Variants in EYA2 observed in about 807,000 individuals in gnomAD.
The protein encoded by EYA2 is protein phosphatase EYA2.
EYA2 carries 31 observed loss-of-function variants against 69.2 expected under a neutral mutation model. The observed-to-expected ratio is 0.45, with a 90% CI of 0.34 to 0.60. The LOEUF (loss-of-function observed/expected upper bound fraction) is 0.60, where lower values mean the gene tolerates loss of function less well. Among genes scored for constraint, EYA2 ranks in the 20% least tolerant of loss-of-function variants. The probability of loss-of-function intolerance (pLI) is 0.02; values close to 1 mark genes in which losing one functional copy is unlikely to be tolerated. For missense variants in EYA2, 622 were observed against 701.2 expected, an observed-to-expected ratio of 0.89 and a Z score of 1.28; for synonymous variants, 257 against 279.4, an observed-to-expected ratio of 0.92 and a Z score of 0.80.
chr20:47,000,684 G>A (rs568819074), intron 2 of EYA2, among the ~76,000 whole-genome samples: 91 of 152,190 alleles, frequency 6.0e-4, no homozygotes, highest in African/African-American at 1.9e-3. Context: ...TCACCTTTTC[G>A]TCACCCCCTG....
intron 5 of EYA2, among the ~76,000 whole-genome samples, chr20:47,044,694 C>A (rs1383579807): frequency 1.3e-5 from 2 of 152,152 alleles, no homozygotes; most frequent in Admixed American, 6.5e-5. Context: ...AAGTGCTTAA[C>A]TAACATTCTC....
intron 10 of EYA2, chr20:47,167,119 G>C (rs1036334236): frequency 1.9e-5 from 3 of 154,606 alleles, no homozygotes; most frequent in African/African-American, 7.2e-5. Context: ...TGGCTGCAAA[G>C]TGCCAGAAAC....
intron 5 of EYA2, among the ~76,000 whole-genome samples, chr20:47,026,770 C>T (rs778251627): frequency 1.1e-4 from 17 of 152,290 alleles, no homozygotes; most frequent in Admixed American, 3.9e-4. Flanking sequence ...CCCCCACCAA[C>T]GCTGGGGATA....
intron 9 of EYA2, chr20:47,117,606 T>C (rs2032936646): frequency 1.0e-6 from 1 of 985,290 alleles, no homozygotes; most frequent in South Asian, 4.7e-5. Context: ...GATAGGCGGC[T>C]TGGCCTGTCT....
chr20:47,021,707 G>T (rs1213131880), intron 5 of EYA2, among the ~76,000 whole-genome samples: 2 of 150,490 alleles, frequency 1.3e-5, no homozygotes, highest in African/African-American at 5.0e-5. Context: ...AAGGGCCAGG[G>T]AACATAAAGA....
chr20:46,973,241 A>G lies in EYA2; in HGVS notation c.-10-16760A>G, dbSNP rs1259966219. On this transcript the variant is annotated intron_variant, in intron 1 of 15. Transcript: ENST00000327619. ...ATGAAAAGAGAAATGCATTAACAAC[A>G]CCGTGAACAGGCAGACAGACAAATA... Among the ~76,000 whole-genome samples the G allele has an allele frequency of 2.6e-5, 4 of 152,334 alleles. No homozygotes were observed. In the South Asian group the frequency reaches 8.3e-4, roughly 32 times the overall value.
intron 1 of EYA2, among the ~76,000 whole-genome samples, chr20:46,963,075 C>T: frequency 6.6e-6 from 1 of 152,242 alleles, no homozygotes; most frequent in Middle Eastern, 3.2e-3. Context: ...TCGCACAGTG[C>T]CTCAGCAGGA....
At chr20:46,912,825 C>T (rs1032018591) in intron 1 of EYA2, among the ~76,000 whole-genome samples, 3 of 151,356 alleles carry the variant, frequency 2.0e-5, no homozygotes, top group African/African-American at 4.9e-5. Context: ...CTCAGCCTCC[C>T]GAGTAGCTGG....
intron 5 of EYA2, among the ~76,000 whole-genome samples, chr20:47,063,392 C>CGTGTGT (rs35187186): frequency 0.013 from 1,858 of 143,470 alleles, 44 homozygotes; most frequent in African/African-American, 0.041. Flanking sequence ...TGTGCGTGTG[C>CGTGTGT]GTGTGTGTGT....
At chr20:46,938,779 G>C (rs1213430601) in intron 1 of EYA2, among the ~76,000 whole-genome samples, 1 of 152,064 alleles carries the variant, frequency 6.6e-6, no homozygotes, top group Non-Finnish European at 1.5e-5. Context: ...ACCAACCCAG[G>C]TACTGTGTGG....
chr20:47,007,515 A>G (rs528809281), intron 4 of EYA2, among the ~76,000 whole-genome samples: 1 of 152,312 alleles, frequency 6.6e-6, no homozygotes, highest in East Asian at 1.9e-4. Context: ...GGCCCAGGAA[A>G]GATTTGGGGT....
intron 1 of EYA2, chr20:46,979,644 G>A (rs1455723519): frequency 1.3e-5 from 2 of 152,114 alleles, no homozygotes; most frequent in Non-Finnish European, 2.9e-5. Flanking sequence ...ATTGTGAGGT[G>A]GGGAAGAGTG....
intron 10 of EYA2, among the ~76,000 whole-genome samples, chr20:47,158,920 G>T (rs75947183): frequency 0.015 from 2,207 of 151,630 alleles, 47 homozygotes; most frequent in African/African-American, 0.049. Context: ...AAAAAGGAGA[G>T]CAAAATAAAA....
chr20:47,106,639 G>C (rs776324949), intron 9 of EYA2, among the ~76,000 whole-genome samples: 1 of 152,004 alleles, frequency 6.6e-6, no homozygotes, highest in Non-Finnish European at 1.5e-5. Flanking sequence ...TGGAATCTCA[G>C]TGAGGCTGGC....
chr20:47,046,393 T>A (rs554636123), intron 5 of EYA2, among the ~76,000 whole-genome samples: 1 of 152,294 alleles, frequency 6.6e-6, no homozygotes, highest in East Asian at 1.9e-4. Flanking sequence ...TGTGGGCAGT[T>A]ACCAGCCTCT....
At chr20:47,099,213 C>T (rs1201835471) in intron 9 of EYA2, among the ~76,000 whole-genome samples, 1 of 152,202 alleles carries the variant, frequency 6.6e-6, no homozygotes, top group Non-Finnish European at 1.5e-5. Context: ...GAAGGCTTTT[C>T]CTGGAAATTG....
chr20:46,925,179 A>G (rs1985360795), intron 1 of EYA2, among the ~76,000 whole-genome samples: 1 of 152,136 alleles, frequency 6.6e-6, no homozygotes, highest in Non-Finnish European at 1.5e-5. Flanking sequence ...CTCCAATATG[A>G]CCTCATCTTA....
intron 10 of EYA2, chr20:47,161,021 C>A (rs755402571): frequency 1.6e-5 from 5 of 320,852 alleles, no homozygotes; most frequent in Non-Finnish European, 2.9e-5. Flanking sequence ...TCAAAGGTGG[C>A]CTTGGCGAAG....
rs566835130 is a variant in EYA2, at chr20:47,070,444, T to C, written c.416-1741T>C. 5.3e-5 allele frequency among the ~76,000 whole-genome samples: 8 copies of C among 152,360 alleles called. No individual in the cohort carries two copies. The South Asian group carries it at 1.7e-3, about 32-fold the overall frequency. On this transcript the variant is annotated intron_variant, in intron 5 of 15. Coordinates refer to ENST00000327619, the MANE Select transcript of EYA2 (RefSeq NM_005244.5). ...AACTCTCGTGCATTACCAGTCAGAA[T>C]GTAAAATGGCACAGCCACTTAGGAA... is the stretch of plus-strand genomic sequence containing the variant.
Sources: gnomAD v4.1 joint callset for allele counts (sites outside exome capture counted in the v4.1 genomes callset) on GRCh38, gnomAD v4.1.1 for gene constraint, MANE v1.5 for transcripts, NCBI Gene and HGNC (gene_info 2026-07-23, HGNC 2026-07-21) for gene names.